Variants in TEX15 observed in about 807,000 individuals in gnomAD.
TEX15 encodes the protein testis expressed 15, meiosis and synapsis associated.
In TEX15, 171 loss-of-function variants were observed where a neutral mutation model predicts 237.3. The observed-to-expected ratio is 0.72, with a 90% CI of 0.64 to 0.82. The LOEUF is 0.82. TEX15 is among the 40% of genes least tolerant of loss of function. The pLI, the probability that TEX15 is intolerant of heterozygous loss-of-function variation, is 0.00. For synonymous variants in TEX15, 1,338 were observed against 1,269.8 expected (o/e 1.05, Z -1.14); for missense variants, 3,750 against 3,646.5 (o/e 1.03, Z -0.73).
At chr8:30,906,709 G>A (rs1809109613) in intron 1 of TEX15, among the ~76,000 whole-genome samples, 2 of 152,094 alleles carry the variant, frequency 1.3e-5, no homozygotes, top group South Asian at 4.1e-4. Context: ...AGGTTTAACT[G>A]CTGGGAATAG....
intron 2 of TEX15, among the ~76,000 whole-genome samples, chr8:30,896,020 T>C (rs930863454): frequency 6.6e-6 from 1 of 152,156 alleles, no homozygotes; most frequent in Non-Finnish European, 1.5e-5. Context: ...ACCATCACAG[T>C]GACTTGTGAA....
At chr8:30,875,325 G>A (rs1005141632) in intron 3 of TEX15, among the ~76,000 whole-genome samples, 1 of 152,124 alleles carries the variant, frequency 6.6e-6, no homozygotes, top group Non-Finnish European at 1.5e-5. Flanking sequence ...TACCTATTAA[G>A]AGTTCTTAAA....
rs62000449 is a variant in TEX15 at position 30,846,848 on chromosome 8, C to T, written c.3319G>A (p.Ala1107Thr). ...ACTTCCATCTCCCCGTTATCAAGTG[C>T]TAACAGACCTTCCCAACTGATACGA... ...KSRISWEGLL[A>T]LDNGEMEVLE... Residue 1107 changes from alanine (A) to threonine (T), a missense_variant, in exon 8 of 11, where the codon GCA (alanine) becomes ACA (threonine). Ala to Thr is a moderately conservative substitution (Grantham distance 58). Coordinates refer to ENST00000643185, the MANE Select transcript of TEX15 (RefSeq NM_001350162.2). The T allele has an allele frequency of 1.5e-4, 248 of 1,613,902 alleles. 4 individuals are homozygous for T. The Middle Eastern group carries it at 0.011, about 72-fold the overall frequency.
intron 5 of TEX15, 111 bp from the exon 6 acceptor site, chr8:30,860,168 G>A: frequency 1.0e-6 from 1 of 979,442 alleles, no homozygotes; most frequent in Non-Finnish European, 1.4e-6. Context: ...CTGAGACAGG[G>A]TCTCACTCTG....
chr8:30,907,446 TGTATATATAAATTATATACAAA>T (rs1809126060), intron 1 of TEX15, among the ~76,000 whole-genome samples: 1 of 148,090 alleles, frequency 6.8e-6, no homozygotes, highest in Admixed American at 6.8e-5. Flanking sequence ...ATATATACAA[TGTATATATAAATTATATACAAA>T]ATGTATATAT....
At chr8:30,909,553 T>C (rs1028390973) in intron 1 of TEX15, among the ~76,000 whole-genome samples, 2 of 152,188 alleles carry the variant, frequency 1.3e-5, no homozygotes, top group African/African-American at 4.8e-5. Flanking sequence ...AGTAGTTCAT[T>C]AAAGCAATCA....
intron 9 of TEX15, among the ~76,000 whole-genome samples, chr8:30,839,312 C>A (rs908111124): frequency 6.6e-6 from 1 of 151,958 alleles, no homozygotes; most frequent in African/African-American, 2.4e-5. Flanking sequence ...ACCAGAAATG[C>A]GATAAAATCA....
intron 5 of TEX15, among the ~76,000 whole-genome samples, chr8:30,860,743 T>A (rs896459413): frequency 6.6e-6 from 1 of 151,794 alleles, no homozygotes; most frequent in Non-Finnish European, 1.5e-5. Context: ...AGAGATGGGG[T>A]TTTGCCATGT....
chr8:30,837,215 T>C lies in TEX15; in HGVS notation c.9069A>G (p.Ala3023=), dbSNP rs1450490630. The change falls in exon 10 of 11, where the codon GCA becomes GCG. Residue 3023 remains alanine (A), a synonymous_variant. Transcript: ENST00000643185. Reference sequence around the variant, plus strand: ...CAGAAGAATTATATGTTGGGTTACATGCAGACTGTGGAAGTTCATTCCAAT... The same window carrying C: ...CAGAAGAATTATATGTTGGGTTACACGCAGACTGTGGAAGTTCATTCCAAT... ...ATYWNELPQS[A]CNPTYNSSEH... 4 of 1,614,176 alleles carry C rather than the reference T, an allele frequency of 2.5e-6. No individual in the cohort carries two copies. The African/African-American group carries it at 5.3e-5, about 22-fold the overall frequency.
chr8:30,891,193 T>G (rs1273757894), intron 2 of TEX15, among the ~76,000 whole-genome samples: 1 of 152,130 alleles, frequency 6.6e-6, no homozygotes, highest in Non-Finnish European at 1.5e-5. Context: ...CATTGCACTG[T>G]GTGGGGTGAG....
At chr8:30,912,491 C>T (rs1187755811) in intron 1 of TEX15, among the ~76,000 whole-genome samples, 2 of 152,216 alleles carry the variant, frequency 1.3e-5, no homozygotes, top group Non-Finnish European at 2.9e-5. Flanking sequence ...TTGTGGCGCT[C>T]TCTCCTCTCG....
chr8:30,847,836 C>A lies in TEX15; in HGVS notation c.2331G>T (p.Met777Ile). The A allele has an allele frequency of 1.9e-6, 3 of 1,613,794 alleles. No individual in the cohort carries two copies. Among genetic ancestry groups the A allele is most frequent in the Non-Finnish European group, 2.5e-6 (3 of 1,179,930 alleles). The change falls in exon 8 of 11, where the codon ATG becomes ATT. Residue 777 changes from methionine to isoleucine, a missense_variant. Met to Ile is a conservative substitution (Grantham distance 10). Coordinates refer to ENST00000643185, the MANE Select transcript of TEX15 (RefSeq NM_001350162.2). Reference protein sequence around the residue: ...KPKDIPQAKEMFIDTVISSYN... With the variant: ...KPKDIPQAKEIFIDTVISSYN... Reference sequence around the variant, plus strand: ...AAGATGAAATAACTGTATCAATGAACATTTCTTTGGCCTGGGGTATGTCTT... The same window carrying A: ...AAGATGAAATAACTGTATCAATGAAAATTTCTTTGGCCTGGGGTATGTCTT...
Position 30,845,302 on chromosome 8 carries a change from C to A in TEX15, c.4865G>T (p.Cys1622Phe), listed in dbSNP as rs1400317548. The A allele has an allele frequency of 6.2e-7, 1 of 1,612,872 alleles. No homozygotes were observed. The highest frequency in any genetic ancestry group is 8.5e-7 in the Non-Finnish European group (1 of 1,179,368). The stretch of plus-strand genomic sequence containing the variant: ...ACTAGAATTTATGTTTTCTTTTATG[C>A]AACTTAAAGATACAGAATTACTTTC... ...INESNSVSLSCIKENINSSTG... is the reference protein window; with the variant it reads ...INESNSVSLSFIKENINSSTG... The change falls in exon 8 of 11, where the codon TGC (cysteine) becomes TTC (phenylalanine). Residue 1622 changes from cysteine (C) to phenylalanine (F), a missense_variant. Physicochemically the swap from Cys to Phe is radical, Grantham distance 205. Coordinates refer to ENST00000643185, the MANE Select transcript of TEX15 (RefSeq NM_001350162.2).
intron 5 of TEX15, among the ~76,000 whole-genome samples, chr8:30,863,919 C>T (rs1004452779): frequency 2.7e-5 from 4 of 150,010 alleles, no homozygotes; most frequent in Non-Finnish European, 4.4e-5. Flanking sequence ...AAAAATATCA[C>T]CAGGCATGTA....
intron 1 of TEX15, among the ~76,000 whole-genome samples, chr8:30,908,650 G>C (rs1297534242): frequency 6.6e-6 from 1 of 152,208 alleles, no homozygotes; most frequent in Non-Finnish European, 1.5e-5. Flanking sequence ...AGGATTGGCA[G>C]TTAAAAACCT....
rs1807221228 is a variant in TEX15, at chr8:30,833,313, G to C, written c.9492C>G (p.His3164Gln). 6.3e-7 allele frequency: 1 copy of C among 1,596,150 alleles called. No individual in the cohort carries two copies. The highest frequency in any genetic ancestry group is 1.7e-5 in the Admixed American group (1 of 57,974). ...AGTGTCCTGGATGAAAGGATTCTTG[G>C]TGCCATGGAGCTGGAAGAAAAAACA... is the stretch of plus-strand genomic sequence containing the variant. ...PEVPWVYAPWHQESFHPGH is the reference protein window; with the variant it reads ...PEVPWVYAPWQQESFHPGH Residue 3164 changes from histidine to glutamine, a missense_variant, in exon 11 of 11, where the codon CAC becomes CAG. Transcript: ENST00000643185.
intron 1 of TEX15, among the ~76,000 whole-genome samples, chr8:30,902,143 A>G (rs1250323914): frequency 6.6e-6 from 1 of 152,058 alleles, no homozygotes; most frequent in Non-Finnish European, 1.5e-5. Context: ...GATGTAAGAT[A>G]AGTTTGAGAT....
intron 6 of TEX15, among the ~76,000 whole-genome samples, chr8:30,859,672 A>C (rs1807998484): frequency 6.6e-6 from 1 of 152,284 alleles, no homozygotes; most frequent in Non-Finnish European, 1.5e-5. Context: ...GTTAGTAATT[A>C]ATCTATATAA....
At chr8:30,861,831 C>T (rs1239033594) in intron 5 of TEX15, among the ~76,000 whole-genome samples, 5 of 151,900 alleles carry the variant, frequency 3.3e-5, no homozygotes, top group East Asian at 1.9e-4. Context: ...CACCAGTCAA[C>T]GCAGAAAAAG....
Sources: allele counts gnomAD v4.1 joint callset (sites outside exome capture counted in the v4.1 genomes callset), GRCh38; gene constraint gnomAD v4.1.1; transcripts MANE v1.5; gene names NCBI Gene and HGNC (gene_info 2026-07-23, HGNC 2026-07-21).